Variants in SMARCA2 observed in about 807,000 individuals in gnomAD.
SMARCA2 encodes the protein SWI/SNF-related matrix-associated actin-dependent regulator of chromatin subfamily A member 2.
Under a neutral mutation model 199.8 loss-of-function variants are expected in SMARCA2, and 61 were observed. The observed-to-expected ratio is 0.31, with a 90% CI of 0.25 to 0.38. SMARCA2 has a LOEUF of 0.38. Ranked by LOEUF, SMARCA2 falls within the 10% of genes least tolerant of loss-of-function variation. The pLI is 1.00. For missense variants in SMARCA2, 1,344 were observed against 2,012.2 expected (o/e 0.67, Z 6.35); for synonymous variants, 935 against 732.0 (o/e 1.28, Z -4.48).
At chr9:2,048,124 A>G (rs1819957739) in intron 5 of SMARCA2, among the ~76,000 whole-genome samples, 1 of 152,192 alleles carries the variant, frequency 6.6e-6, no homozygotes, top group Non-Finnish European at 1.5e-5. Flanking sequence ...ACAGCTGCAG[A>G]CAATAATGGG....
intron 10 of SMARCA2, among the ~76,000 whole-genome samples, chr9:2,072,694 G>C (rs28579843): frequency 0.048 from 7,298 of 152,302 alleles, 598 homozygotes; most frequent in African/African-American, 0.17. Context: ...CCAAAATCAA[G>C]TCTGCCTGAT....
chr9:2,023,533 C>A (rs1818695301), intron 1 of SMARCA2, among the ~76,000 whole-genome samples: 1 of 152,196 alleles, frequency 6.6e-6, no homozygotes, highest in Non-Finnish European at 1.5e-5. Context: ...ATAAGGTTAA[C>A]TTTAGAACCC....
chr9:2,052,619 G>C (rs1237921631), intron 5 of SMARCA2, among the ~76,000 whole-genome samples: 3 of 152,188 alleles, frequency 2.0e-5, no homozygotes, highest in African/African-American at 7.2e-5. Flanking sequence ...ACTATTTTTA[G>C]TGAAGTCCCT....
rs191002093 is a variant in SMARCA2 at position 2,148,518 on chromosome 9, T to A, written c.3982-13168T>A. Among the ~76,000 whole-genome samples the A allele has an allele frequency of 6.1e-3, 926 of 151,480 alleles. 40 individuals are homozygous for A. Among genetic ancestry groups the A allele is most frequent in the Non-Finnish European group, 0.011 (713 of 67,648 alleles). ...ATTTTATTATTATTATACTTTAAGT[T>A]TTAGGGTACATGTGCACAATGTGCA... is the stretch of plus-strand genomic sequence containing the variant. On this transcript the variant is annotated intron_variant, in intron 27 of 33. Coordinates refer to ENST00000349721, the MANE Select transcript of SMARCA2 (RefSeq NM_003070.5).
At chr9:2,062,504 A>T (rs184763573) in intron 9 of SMARCA2, among the ~76,000 whole-genome samples, 1 of 152,358 alleles carries the variant, frequency 6.6e-6, no homozygotes, top group African/African-American at 2.4e-5. Flanking sequence ...GCAGAGAAAG[A>T]TACACAATTG....
At chr9:2,147,529 C>G (rs779361837) in intron 27 of SMARCA2, among the ~76,000 whole-genome samples, 1 of 152,118 alleles carries the variant, frequency 6.6e-6, no homozygotes, top group East Asian at 1.9e-4. Flanking sequence ...GAAATAACAC[C>G]TATAATGTTT....
intron 9 of SMARCA2, among the ~76,000 whole-genome samples, chr9:2,068,030 G>A (rs942016074): frequency 6.6e-6 from 1 of 151,978 alleles, no homozygotes; most frequent in African/African-American, 2.4e-5. Flanking sequence ...GATTTTCTTT[G>A]TTGGCCAAAT....
At chr9:2,192,409 CCTGGGGCTGA>C (rs1220474660) in intron 33 of SMARCA2, 3 of 340,036 alleles carry the variant, frequency 8.8e-6, no homozygotes, top group Admixed American at 4.9e-5. Context: ...TTTTCTAAAA[CCTGGGGCTGA>C]AAAAGAGAAA....
At chr9:2,155,607 T>C (rs1825316188) in intron 27 of SMARCA2, among the ~76,000 whole-genome samples, 1 of 152,154 alleles carries the variant, frequency 6.6e-6, no homozygotes. Context: ...CCAAATTGCT[T>C]TTAACTAAAA....
At chr9:2,073,121 C>G in intron 10 of SMARCA2, 91 bp from the exon 11 acceptor site, 1 of 1,467,090 alleles carries the variant, frequency 6.8e-7, no homozygotes, top group Non-Finnish European at 9.3e-7. Context: ...GTTTCACATG[C>G]TGGGCAGCAA....
chr9:2,117,721 A>G (rs1823272853), intron 25 of SMARCA2, among the ~76,000 whole-genome samples: 1 of 152,140 alleles, frequency 6.6e-6, no homozygotes, highest in South Asian at 2.1e-4. Context: ...CCTGGGCCCG[A>G]GGGCTGCCAG....
Position 2,115,923 on chromosome 9 carries a change from G to T in SMARCA2, c.3558G>T (p.Ala1186=). ...TVNSVEEKIL[A]AAKYKLNVDQ... ...ACAGCGTGGAGGAAAAGATCCTCGC[G>T]GCCGCAAAATACAAGCTGAACGTGG... The change falls in exon 25 of 34, where the codon GCG becomes GCT. Residue 1186 remains alanine, a synonymous_variant. Coordinates refer to ENST00000349721, the MANE Select transcript of SMARCA2 (RefSeq NM_003070.5). The surrounding 1 kb of genome is among the most constrained non-coding windows in gnomAD (Gnocchi z 6.0). The T allele has an allele frequency of 6.2e-7, 1 of 1,614,102 alleles. No homozygotes were observed. Among genetic ancestry groups the T allele is most frequent in the South Asian group, 1.1e-5 (1 of 91,080 alleles).
intron 9 of SMARCA2, among the ~76,000 whole-genome samples, chr9:2,066,859 G>C (rs748714651): frequency 1.3e-5 from 2 of 152,186 alleles, no homozygotes; most frequent in Admixed American, 6.5e-5. Flanking sequence ...GAGACTGTCC[G>C]AAGTCAGCTC....
chr9:2,093,121 CT>C (rs1324672243), intron 19 of SMARCA2, among the ~76,000 whole-genome samples: 2 of 152,134 alleles, frequency 1.3e-5, no homozygotes, highest in Admixed American at 1.3e-4. Flanking sequence ...AGTCAACAGA[CT>C]TGGCTGTGGA....
chr9:2,029,073 G>C lies in SMARCA2; in HGVS notation c.51G>C (p.Pro17=), dbSNP rs148865068. 5.9e-5 allele frequency: 93 copies of C among 1,568,920 alleles called. 1 individual carries two copies. The African/African-American group carries it at 1.2e-3, about 20-fold the overall frequency. The stretch of plus-strand genomic sequence containing the variant: ...CGATGCCCCACCCAGGGCCTTCGCC[G>C]GGGCCTGGGCCTTCCCCTGGGCCAA... ...PGAMPHPGPS[P]GPGPSPGPIL... Residue 17 remains proline, a synonymous_variant, in exon 2 of 34, where the codon CCG becomes CCC. Coordinates refer to ENST00000349721, the MANE Select transcript of SMARCA2 (RefSeq NM_003070.5).
At position 2,047,245 on chromosome 9, in the gene SMARCA2, G is replaced by T; in HGVS notation, c.807G>T (p.Leu269=). The T allele has an allele frequency of 9.9e-7, 1 of 1,008,682 alleles. No individual in the cohort carries two copies. Among genetic ancestry groups the T allele is most frequent in the South Asian group, 4.5e-5 (1 of 22,194 alleles). 62.5% of individuals were successfully genotyped at this position (1,008,682 alleles called of 1,614,324 possible). A position where few individuals can be genotyped will look rare whatever the true frequency, so the allele number is the denominator to read the frequency against. Residue 269 remains leucine, a synonymous_variant, in exon 5 of 34, where the codon CTG becomes CTT. Transcript: ENST00000349721. The stretch of plus-strand genomic sequence containing the variant: ...GTCCCGCAGGCCCGGGGCCGGAGCT[G>T]AGCGGCCCGAGCACCCCGCAGAAGC... ...YNRPSGPGPE[L]SGPSTPQKLP... is the part of the protein sequence containing the mutation.
In SMARCA2 at chr9:2,105,989, T is replaced by A. The variant is rs182104610; in HGVS notation, c.3292+1820T>A. Among the ~76,000 whole-genome samples, 9 of 152,366 alleles carry A rather than the reference T, an allele frequency of 5.9e-5. No homozygotes were observed. In the East Asian group the frequency reaches 1.7e-3, roughly 29 times the overall value. ...TTTCTTGTCAGCCTGAGAGGTTCTC[T>A]TTAATAGTTTATTGGCTGCTGTCCT... is the stretch of plus-strand genomic sequence containing the variant. On this transcript the variant is annotated intron_variant, in intron 23 of 33. Transcript: ENST00000349721.
intron 11 of SMARCA2, 36 bp downstream of exon 11, chr9:2,073,378 A>G: frequency 1.2e-6 from 2 of 1,611,520 alleles, no homozygotes; most frequent in Non-Finnish European, 1.7e-6. Context: ...GTGTTCTTTT[A>G]GCTTTTTAGA....
At chr9:2,185,024 T>C (rs891197415) in intron 31 of SMARCA2, among the ~76,000 whole-genome samples, 10 of 152,360 alleles carry the variant, frequency 6.6e-5, no homozygotes, top group African/African-American at 1.9e-4. Flanking sequence ...CCTTTAAATT[T>C]TTAAAACACT....
Sources: gnomAD v4.1 joint callset for allele counts (sites outside exome capture counted in the v4.1 genomes callset) on GRCh38, gnomAD v4.1.1 for gene constraint, Gnocchi (gnomAD v3.1) non-coding constraint, MANE v1.5 for transcripts, NCBI Gene and HGNC (gene_info 2026-07-23, HGNC 2026-07-21) for gene names.